The following MMP12 variants were observed in gnomAD, a reference collection of about 807,000 sequenced individuals.
The protein encoded by MMP12 is macrophage metalloelastase.
A neutral mutation model predicts 45.2 loss-of-function variants in MMP12; 51 were observed. That is an observed-to-expected ratio of 1.13 (90% confidence interval 0.90 to 1.42). The LOEUF (loss-of-function observed/expected upper bound fraction) is 1.42. Among genes scored for constraint, MMP12 ranks in the 40% most tolerant of loss-of-function variants. MMP12 has a pLI of 0.00. For synonymous variants in MMP12, 210 were observed against 193.3 expected, an observed-to-expected ratio of 1.09 and a Z score of -0.72; for missense variants, 530 against 570.8, an observed-to-expected ratio of 0.93 and a Z score of 0.73.
intron 5 of MMP12, 28 bp downstream of exon 5, chr11:102,867,880 T>C (rs782486754): frequency 8.2e-6 from 13 of 1,590,124 alleles, no homozygotes; most frequent in Non-Finnish European, 8.6e-6. Flanking sequence ...TATCTTTATA[T>C]GGCAAAATGA....
chr11:102,866,608 A>G (rs534726064), intron 6 of MMP12, among the ~76,000 whole-genome samples, 160 bp from the exon 7 acceptor site: 14 of 152,316 alleles, frequency 9.2e-5, no homozygotes, highest in Admixed American at 5.9e-4. Context: ...CAAGAAAAGG[A>G]TATCAATCAA....
chr11:102,863,177 A>C lies in MMP12; in HGVS notation c.1336T>G (p.Ser446Ala), dbSNP rs539380707. 1 of 1,604,820 alleles carries C rather than the reference A, an allele frequency of 6.2e-7. No homozygotes were observed. Among genetic ancestry groups the C allele is most frequent in the African/African-American group, 1.3e-5 (1 of 74,746 alleles). The change falls in exon 10 of 10, where the codon TCT becomes GCT. Residue 446 changes from serine (S) to alanine (A), a missense_variant. Ser to Ala is a moderately conservative substitution (Grantham distance 99). Transcript: ENST00000571244. The part of the protein sequence containing the change: ...KNKYYYFFQG[S>A]NQFEYDFLLQ... ...AGGAAGTCATATTCAAATTGGTTAGATCCTTGGAAGAAATAGTAGTATTCT... is the reference window on the plus strand; with the variant it reads ...AGGAAGTCATATTCAAATTGGTTAGCTCCTTGGAAGAAATAGTAGTATTCT...
rs200066013 is a variant in MMP12, at chr11:102,864,228, C to A, written c.1230G>T (p.Met410Ile). The A allele has an allele frequency of 1.1e-5, 17 of 1,613,632 alleles. No homozygotes were observed. In the South Asian group the frequency reaches 1.6e-4, roughly 16 times the overall value. ...TAATCAGTTTGGGATAACCAGGGTC[C>A]ATCATCTGTCTCCTTTCATCATACC... is the stretch of plus-strand genomic sequence containing the variant. ...YWRYDERRQM[M>I]DPGYPKLITK... The change falls in exon 9 of 10, where the codon ATG becomes ATT. Residue 410 changes from methionine to isoleucine, a missense_variant. Physicochemically the swap from Met to Ile is conservative, Grantham distance 10. Transcript: ENST00000571244.
chr11:102,871,795 G>A lies in MMP12; in HGVS notation c.499+9C>T, dbSNP rs782378632. 1 of 1,613,100 alleles carries A rather than the reference G, an allele frequency of 6.2e-7. No individual in the cohort carries two copies. ...GCCAAATGACAAAGATGAAATACAA[G>A]TTCCCTACCTCCACGGGCAAAAACC... On this transcript the variant is annotated intron_variant, in intron 3 of 9. Coordinates refer to ENST00000571244, the MANE Select transcript of MMP12 (RefSeq NM_002426.6).
chr11:102,874,491 G>C (rs1859558988), intron 1 of MMP12, among the ~76,000 whole-genome samples: 1 of 152,190 alleles, frequency 6.6e-6, no homozygotes, highest in Non-Finnish European at 1.5e-5. Flanking sequence ...TCCTGCCATT[G>C]TTCAGATCTC....
chr11:102,864,732 G>A (rs1179049629), intron 8 of MMP12, among the ~76,000 whole-genome samples: 1 of 152,182 alleles, frequency 6.6e-6, no homozygotes, highest in Non-Finnish European at 1.5e-5. Flanking sequence ...AGGCTGTATG[G>A]TCATATCCTG....
chr11:102,871,360 T>C (rs1313150449), intron 4 of MMP12, among the ~76,000 whole-genome samples: 1 of 152,176 alleles, frequency 6.6e-6, no homozygotes, highest in Non-Finnish European at 1.5e-5. Context: ...AGAGCTGATC[T>C]TCAAGATGAT....
At chr11:102,871,517 G>A (rs983812527) in intron 4 of MMP12, 77 bp downstream of exon 4, 3 of 1,507,198 alleles carry the variant, frequency 2.0e-6, no homozygotes, top group African/African-American at 1.4e-5. Flanking sequence ...CCAGAATTTT[G>A]AATTTGTTAG....
At position 102,863,091 on chromosome 11, in the gene MMP12, A is replaced by C. The variant is rs1555008030; in HGVS notation, c.*9T>G. 2 of 1,579,634 alleles carry C rather than the reference A, an allele frequency of 1.3e-6. No individual in the cohort carries two copies. Among genetic ancestry groups the C allele is most frequent in the East Asian group, 4.5e-5 (2 of 44,506 alleles). ...AGTGAACTAACAAAAACCATTAATT[A>C]CACCATTTCTAACAACCAAACCAGC... On this transcript the variant is annotated 3_prime_UTR_variant, in exon 10 of 10. Transcript: ENST00000571244.
Position 102,868,422 on chromosome 11 carries a change from G to A in MMP12, c.626-353C>T, listed in dbSNP as rs1859436150. On this transcript the variant is annotated intron_variant, in intron 4 of 9. Transcript: ENST00000571244. ...CTAGTAGACAAATGAAATATATTCT[G>A]TTGTAAAAATTCCTAGAATAACTCA... 3.3e-5 allele frequency among the ~76,000 whole-genome samples: 5 copies of A among 152,270 alleles called. No homozygotes were observed. The South Asian group carries it at 1.0e-3, about 32-fold the overall frequency.
In MMP12 at chr11:102,874,870, G is replaced by T. The variant is rs1555009873; in HGVS notation, c.68C>A (p.Thr23Lys). 1.2e-6 allele frequency: 2 copies of T among 1,606,914 alleles called. No homozygotes were observed. The highest frequency in any genetic ancestry group is 2.2e-5 in the East Asian group (1 of 44,732). ...ASGALPLNSS[T>K]SLEKNNVLFG... Reference sequence around the variant, plus strand: ...TAGCACATTATTTTTTTCCAGGCTTGTAGAGCTGTTCAGGGGAAGAGCTCC... The same window carrying T: ...TAGCACATTATTTTTTTCCAGGCTTTTAGAGCTGTTCAGGGGAAGAGCTCC... The change falls in exon 1 of 10, where the codon ACA (threonine) becomes AAA (lysine). Residue 23 changes from threonine to lysine, a missense_variant. Coordinates refer to ENST00000571244, the MANE Select transcript of MMP12 (RefSeq NM_002426.6).
At chr11:102,864,011 G>C (rs569606850) in intron 9 of MMP12, 135 bp downstream of exon 9, 2 of 680,176 alleles carry the variant, frequency 2.9e-6, no homozygotes, top group Non-Finnish European at 5.1e-6. Flanking sequence ...TACAGTGTGA[G>C]TTTTTCCTTG....
In MMP12 at chr11:102,871,698, A is replaced by G; in HGVS notation, c.521T>C (p.Phe174Ser). Reference protein sequence around the residue: ...ARGAHGDFHAFDGKGGILAHA... With the variant: ...ARGAHGDFHASDGKGGILAHA... ...GGCTAGGATTCCACCTTTGCCATCA[A>G]AAGCATGGAAGTCTCCATGAGCTTT... The change falls in exon 4 of 10, where the codon TTT becomes TCT. Residue 174 changes from phenylalanine to serine, a missense_variant. Transcript: ENST00000571244. The G allele has an allele frequency of 6.2e-7, 1 of 1,609,548 alleles. No homozygotes were observed. Among genetic ancestry groups the G allele is most frequent in the Non-Finnish European group, 8.5e-7 (1 of 1,177,656 alleles).
chr11:102,867,873 C>A, intron 5 of MMP12, 35 bp downstream of exon 5: 1 of 1,581,056 alleles, frequency 6.3e-7, no homozygotes, highest in East Asian at 2.3e-5. Context: ...AAGCGAGTAT[C>A]TTTATATGGC....
chr11:102,871,709 G>A lies in MMP12; in HGVS notation c.510C>T (p.Asp170=), dbSNP rs1555009371. ...CACCTTTGCCATCAAAAGCATGGAA[G>A]TCTCCATGAGCTTTTGGAAAAGGAA... ...LVVFARGAHG[D]FHAFDGKGGI... The change falls in exon 4 of 10, where the codon GAC becomes GAT. Residue 170 remains aspartate, a synonymous_variant. Coordinates refer to ENST00000571244, the MANE Select transcript of MMP12 (RefSeq NM_002426.6). 2.5e-6 allele frequency: 4 copies of A among 1,610,928 alleles called. No homozygotes were observed. In the South Asian group the frequency reaches 4.4e-5, roughly 18 times the overall value.
At chr11:102,863,342 G>A (rs1555008087) in intron 9 of MMP12, 142 bp from the exon 10 acceptor site, 2 of 504,708 alleles carry the variant, frequency 4.0e-6, no homozygotes, top group African/African-American at 4.0e-5. Context: ...TACACACTTT[G>A]AGAGGCTGAG....
chr11:102,865,095 T>G lies in MMP12; in HGVS notation c.1205+681A>C, dbSNP rs1555008334. ...GGTGGACAAATTCAAGTCATAAGCA[T>G]CCGGTATTCAATTGGAATTAGATAT... On this transcript the variant is annotated intron_variant, in intron 8 of 9. Coordinates refer to ENST00000571244, the MANE Select transcript of MMP12 (RefSeq NM_002426.6). This position sits in a 1 kb window ranked among gnomAD's most constrained non-coding sequence, Gnocchi z 4.1. Among the ~76,000 whole-genome samples, 1 of 152,010 alleles carries G rather than the reference T, an allele frequency of 6.6e-6. No homozygotes were observed. The highest frequency in any genetic ancestry group is 1.5e-5 in the Non-Finnish European group (1 of 67,964).
At chr11:102,863,247 C>T in intron 9 of MMP12, 47 bp from the exon 10 acceptor site, 1 of 1,015,142 alleles carries the variant, frequency 9.9e-7, no homozygotes, top group South Asian at 1.4e-5. Flanking sequence ...CCCTGTATTT[C>T]TTTACAACAA....
Position 102,863,130 on chromosome 11 carries a change from T to C in MMP12, c.1383A>G (p.Thr461=), listed in dbSNP as rs1859321897. The C allele has an allele frequency of 6.2e-7, 1 of 1,611,446 alleles. No individual in the cohort carries two copies. Among genetic ancestry groups the C allele is most frequent in the South Asian group, 1.1e-5 (1 of 90,626 alleles). The change falls in exon 10 of 10, where the codon ACA becomes ACG. Residue 461 remains threonine, a synonymous_variant. Coordinates refer to ENST00000571244, the MANE Select transcript of MMP12 (RefSeq NM_002426.6). The stretch of plus-strand genomic sequence containing the variant: ...AACCAAACCAGCTATTGCTTTTCAG[T>C]GTTTTGGTGATACGTTGGAGTAGGA... ...YDFLLQRITK[T]LKSNSWFGC is the part of the protein sequence containing the mutation.
Sources: allele counts gnomAD v4.1 joint callset (sites outside exome capture counted in the v4.1 genomes callset), GRCh38; gene constraint gnomAD v4.1.1; non-coding constraint Gnocchi (gnomAD v3.1); transcripts MANE v1.5; gene names NCBI Gene and HGNC (gene_info 2026-07-23, HGNC 2026-07-21).